TLN2: variants seen among roughly 807,000 people sequenced by gnomAD.
The protein encoded by TLN2 is talin 2, also known as talin-2.
TLN2 carries 118 observed loss-of-function variants against 294.7 expected under a neutral mutation model. The ratio of observed to expected loss-of-function variants is 0.40; its 90% CI spans 0.34 to 0.47. The LOEUF (loss-of-function observed/expected upper bound fraction) is 0.47. Ranked by LOEUF, TLN2 falls within the 20% of genes least tolerant of loss-of-function variation. TLN2 has a pLI of 0.84. For synonymous variants in TLN2, 1,431 were observed against 1,304.5 expected (o/e 1.10, Z -2.09); for missense variants, 3,083 against 3,282.2 (o/e 0.94, Z 1.48).
chr15:62,532,452 G>A (rs1156969146), intron 1 of TLN2, among the ~76,000 whole-genome samples: 5 of 152,078 alleles, frequency 3.3e-5, no homozygotes, highest in Admixed American at 6.5e-5. Flanking sequence ...CAGGCCAGTG[G>A]ATTGTTATGT....
intron 1 of TLN2, among the ~76,000 whole-genome samples, chr15:62,490,791 T>A (rs1300617237): frequency 1.3e-5 from 2 of 152,178 alleles, no homozygotes; most frequent in Non-Finnish European, 2.9e-5. Flanking sequence ...AATGTGCTAG[T>A]GCTAGAAATG....
At chr15:62,735,813 C>G (rs2060979446) in intron 28 of TLN2, among the ~76,000 whole-genome samples, 1 of 151,908 alleles carries the variant, frequency 6.6e-6, no homozygotes, top group South Asian at 2.1e-4. Flanking sequence ...TATAACAGCC[C>G]CAAACAGGAA....
At chr15:62,794,665 G>T (rs1180934071) in intron 46 of TLN2, among the ~76,000 whole-genome samples, 2 of 152,170 alleles carry the variant, frequency 1.3e-5, no homozygotes, top group African/African-American at 2.4e-5. Context: ...AGTAGCATTT[G>T]AAAGAAAGGC....
At chr15:62,608,733 C>T (rs912298299) in intron 2 of TLN2, among the ~76,000 whole-genome samples, 3 of 151,950 alleles carry the variant, frequency 2.0e-5, no homozygotes, top group South Asian at 2.1e-4. Context: ...TTAGGGAGGT[C>T]GGGGGTAGAC....
intron 1 of TLN2, among the ~76,000 whole-genome samples, chr15:62,571,601 T>C (rs1036178329): frequency 3.9e-5 from 6 of 152,178 alleles, no homozygotes; most frequent in Non-Finnish European, 7.3e-5. Flanking sequence ...TGTTTGTTTT[T>C]AGTTTGTTAT....
intron 3 of TLN2, among the ~76,000 whole-genome samples, chr15:62,624,860 G>GA (rs1417656702): frequency 6.6e-6 from 1 of 152,106 alleles, no homozygotes; most frequent in Admixed American, 6.5e-5. Context: ...GACCAAATAA[G>GA]AAAAAAACAA....
intron 3 of TLN2, among the ~76,000 whole-genome samples, chr15:62,641,221 AAAAT>A (rs2051055074): frequency 6.6e-6 from 1 of 152,196 alleles, no homozygotes; most frequent in South Asian, 2.1e-4. Context: ...TAATAGATAC[AAAAT>A]AAACAATAAA....
At chr15:62,658,052 G>T (rs991257217) in intron 9 of TLN2, 154 bp downstream of exon 9, 3 of 696,148 alleles carry the variant, frequency 4.3e-6, no homozygotes, top group Non-Finnish European at 6.7e-6. Flanking sequence ...GACCAAATTT[G>T]CAGATTTTGG....
In TLN2 at chr15:62,739,361, C is replaced by G. The variant is rs762239795; in HGVS notation, c.3701C>G (p.Thr1234Arg). 6.2e-7 allele frequency: 1 copy of G among 1,613,414 alleles called. No individual in the cohort carries two copies. Among genetic ancestry groups the G allele is most frequent in the African/African-American group, 1.3e-5 (1 of 74,912 alleles). ...KLLVDSLPPS[T>R]KPFQEAQSEL... ...TGTTCCCCACAGCTACCTCCAAGCA[C>G]GAAGCCTTTCCAGGAAGCCCAGAGT... The change falls in exon 31 of 59, where the codon ACG becomes AGG. Residue 1234 changes from threonine (T) to arginine (R), a missense_variant. Thr to Arg is a moderately conservative substitution (Grantham distance 71). Coordinates refer to ENST00000636159, the MANE Select transcript of TLN2 (RefSeq NM_015059.3).
At chr15:62,625,869 T>C (rs910034590) in intron 3 of TLN2, among the ~76,000 whole-genome samples, 1 of 152,030 alleles carries the variant, frequency 6.6e-6, no homozygotes, top group Admixed American at 6.5e-5. Flanking sequence ...GAATGGATGC[T>C]GAAGGAAGGA....
intron 27 of TLN2, among the ~76,000 whole-genome samples, chr15:62,726,369 G>T (rs919807723): frequency 6.6e-6 from 1 of 152,060 alleles, no homozygotes; most frequent in African/African-American, 2.4e-5. Flanking sequence ...TTGTACTCTC[G>T]CAGTATACCT....
At chr15:62,599,052 C>G (rs1354455152) in intron 2 of TLN2, among the ~76,000 whole-genome samples, 1 of 152,170 alleles carries the variant, frequency 6.6e-6, no homozygotes, top group Non-Finnish European at 1.5e-5. Flanking sequence ...GGAGTTCCTC[C>G]TTGTCACCTC....
At chr15:62,417,513 C>A (rs2034153567) in intron 1 of TLN2, among the ~76,000 whole-genome samples, 1 of 152,182 alleles carries the variant, frequency 6.6e-6, no homozygotes, top group South Asian at 2.1e-4. Flanking sequence ...TATAGAAATG[C>A]CCTTTCAGAT....
At chr15:62,429,473 C>A (rs1257854717) in intron 1 of TLN2, among the ~76,000 whole-genome samples, 8 of 152,144 alleles carry the variant, frequency 5.3e-5, no homozygotes, top group Non-Finnish European at 1.2e-4. Flanking sequence ...GACTTGAGAC[C>A]TGTCTTGGCC....
rs56258541 is a variant in TLN2, at chr15:62,673,310, C to CTTTTTTTTTTTT, written c.789-510_789-499dup. Among the ~76,000 whole-genome samples the CTTTTTTTTTTTT allele has an allele frequency of 2.2e-3, 96 of 42,870 alleles. 10 individuals carry two copies. The highest frequency in any genetic ancestry group is 6.0e-3 in the African/African-American group (81 of 13,410). 28.1% of individuals were successfully genotyped at this position (42,870 alleles called of 152,430 possible). ...GTTTGCTTTAGATTTTTAGATGTTG[C>CTTTTTTTTTTTT]TTTTTTTTTTTTTTTTTTGCAATTT... On this transcript the variant is annotated intron_variant, in intron 9 of 58. Transcript: ENST00000636159.
At chr15:62,430,776 A>G (rs1382090290) in intron 1 of TLN2, among the ~76,000 whole-genome samples, 1 of 152,160 alleles carries the variant, frequency 6.6e-6, no homozygotes, top group African/African-American at 2.4e-5. Flanking sequence ...GTTAGAGGGA[A>G]CAATCCACAA....
At chr15:62,521,973 A>G (rs536253511) in intron 1 of TLN2, among the ~76,000 whole-genome samples, 1 of 152,188 alleles carries the variant, frequency 6.6e-6, no homozygotes, top group South Asian at 2.1e-4. Context: ...TCTCTATTTT[A>G]GTGTTAATAC....
chr15:62,762,954 C>T (rs1490168001), intron 39 of TLN2, among the ~76,000 whole-genome samples: 2 of 152,154 alleles, frequency 1.3e-5, no homozygotes, highest in African/African-American at 4.8e-5. Flanking sequence ...TAGTGGGAGC[C>T]TAAAAAGACA....
intron 11 of TLN2, chr15:62,683,888 C>T (rs942702940): frequency 2.0e-5 from 3 of 152,198 alleles, no homozygotes; most frequent in East Asian, 1.9e-4. Context: ...GTGGCCCTCC[C>T]GTCACATCCC....
Sources: gnomAD v4.1 joint callset for allele counts (sites outside exome capture counted in the v4.1 genomes callset) on GRCh38, gnomAD v4.1.1 for gene constraint, MANE v1.5 for transcripts, NCBI Gene and HGNC (gene_info 2026-07-23, HGNC 2026-07-21) for gene names.